TMEM217: variants seen among roughly 807,000 people sequenced by gnomAD.
TMEM217 encodes chromosome 6 open reading frame 128.
For missense variants in TMEM217, 204 were observed against 248.8 expected (o/e 0.82, Z 1.21); for synonymous variants, 76 against 88.3 (o/e 0.86, Z 0.78).
chr6:37,221,626 T>C (rs1421903237), intron 1 of TMEM217, among the ~76,000 whole-genome samples: 1 of 152,200 alleles, frequency 6.6e-6, no homozygotes, highest in East Asian at 1.9e-4. Context: ...ACTGAAAATA[T>C]ATGAAGAAAC....
intron 1 of TMEM217, among the ~76,000 whole-genome samples, chr6:37,229,985 G>A (rs1269758002): frequency 3.9e-5 from 6 of 152,162 alleles, no homozygotes; most frequent in Non-Finnish European, 8.8e-5. Flanking sequence ...TCCCCTTCTA[G>A]CCTCCTTCAG....
At chr6:37,224,508 G>A (rs1248786729) in intron 1 of TMEM217, among the ~76,000 whole-genome samples, 2 of 151,944 alleles carry the variant, frequency 1.3e-5, no homozygotes, top group South Asian at 2.1e-4. Flanking sequence ...TGAGTCAGGA[G>A]AATGGCGTGA....
intron 1 of TMEM217, among the ~76,000 whole-genome samples, chr6:37,239,118 ACT>A (rs1764637358): frequency 6.6e-6 from 1 of 151,852 alleles, no homozygotes; most frequent in Non-Finnish European, 1.5e-5. Context: ...GGTGACACAG[ACT>A]CTGTCTCCAA....
At chr6:37,220,507 G>A (rs899339255) in intron 1 of TMEM217, among the ~76,000 whole-genome samples, 1 of 151,800 alleles carries the variant, frequency 6.6e-6, no homozygotes, top group East Asian at 1.9e-4. Flanking sequence ...AGCAGGTGGG[G>A]AGAAAACTCT....
chr6:37,212,762 T>A (rs1483362004), downstream of TMEM217: 1 of 695,326 alleles, frequency 1.4e-6, no homozygotes, highest in East Asian at 2.8e-5. Context: ...AAGCAGCCGA[T>A]GATGATGGTG....
rs1763417186 is a variant in TMEM217 at position 37,219,936 on chromosome 6, A to T, written c.-11-895T>A. Among the ~76,000 whole-genome samples, 7 of 152,312 alleles carry T rather than the reference A, an allele frequency of 4.6e-5. No individual in the cohort carries two copies. In the South Asian group the frequency reaches 1.4e-3, roughly 32 times the overall value. On this transcript the variant is annotated intron_variant, in intron 1 of 1. Transcript: ENST00000357219. ...CTTTGGGCAATCGCTTCTCTACTAC[A>T]TATCAAAATATGGATTACAGTGAAA...
At chr6:37,214,419 G>T (rs1583421493), downstream of TMEM217, among the ~76,000 whole-genome samples, 1 of 152,108 alleles carries the variant, frequency 6.6e-6, no homozygotes, top group African/African-American at 2.4e-5. Flanking sequence ...GTAGAGACAG[G>T]TTTCACCATG....
At chr6:37,253,933 T>C (rs1467481202) in intron 1 of TMEM217, among the ~76,000 whole-genome samples, 3 of 152,228 alleles carry the variant, frequency 2.0e-5, no homozygotes, top group African/African-American at 7.2e-5. Context: ...GCATATCTCA[T>C]CCCTTAACTA....
intron 1 of TMEM217, among the ~76,000 whole-genome samples, chr6:37,237,123 A>T (rs1410331778): frequency 6.6e-6 from 1 of 152,202 alleles, no homozygotes; most frequent in Non-Finnish European, 1.5e-5. Context: ...GAAGTGAGTC[A>T]CCAAGGCCAT....
intron 1 of TMEM217, among the ~76,000 whole-genome samples, chr6:37,233,379 A>G (rs1352286241): frequency 6.6e-6 from 1 of 152,138 alleles, no homozygotes; most frequent in African/African-American, 2.4e-5. Context: ...TTTATAAACA[A>G]CAGAAATTTA....
chr6:37,229,093 A>G (rs1764024431), intron 1 of TMEM217, among the ~76,000 whole-genome samples: 1 of 152,122 alleles, frequency 6.6e-6, no homozygotes, highest in Non-Finnish European at 1.5e-5. Flanking sequence ...GAGTTTCATA[A>G]CAATCTTGAG....
intron 1 of TMEM217, among the ~76,000 whole-genome samples, chr6:37,256,945 T>C (rs2113951256): frequency 6.6e-6 from 1 of 152,202 alleles, no homozygotes; most frequent in Non-Finnish European, 1.5e-5. Flanking sequence ...TCTGGGAAAA[T>C]TAGATTGAAA....
rs115339214 is a variant in TMEM217, at chr6:37,222,158, A to C, written c.-11-3117T>G. 4.8e-3 allele frequency among the ~76,000 whole-genome samples: 727 copies of C among 152,300 alleles called. 7 individuals are homozygous for C. Among genetic ancestry groups the C allele is most frequent in the African/African-American group, 0.016 (674 of 41,574 alleles). On this transcript the variant is annotated intron_variant, in intron 1 of 1. Transcript: ENST00000357219. ...AGGGAGGAAGTGCACGCAGATTGGT[A>C]CATCGGGGGCCATGGGCAGGCTGGA...
intron 1 of TMEM217, among the ~76,000 whole-genome samples, chr6:37,230,828 G>C (rs752722980): frequency 1.3e-5 from 2 of 152,038 alleles, no homozygotes; most frequent in Non-Finnish European, 2.9e-5. Context: ...TGGGTAAATT[G>C]CCTCTCTACC....
downstream of TMEM217, among the ~76,000 whole-genome samples, chr6:37,217,229 G>A (rs551251895): frequency 2.0e-5 from 3 of 152,346 alleles, no homozygotes; most frequent in African/African-American, 7.2e-5. Flanking sequence ...GGGAGGCGGG[G>A]GTTGCAGTGA....
At chr6:37,254,670 C>A (rs1765617971) in intron 1 of TMEM217, among the ~76,000 whole-genome samples, 1 of 152,180 alleles carries the variant, frequency 6.6e-6, no homozygotes, top group Non-Finnish European at 1.5e-5. Context: ...TATTTATATT[C>A]TTCCTTCTTT....
chr6:37,219,903 C>A (rs1763415473), intron 1 of TMEM217, among the ~76,000 whole-genome samples: 1 of 152,096 alleles, frequency 6.6e-6, no homozygotes, highest in South Asian at 2.1e-4. Context: ...CAGGTGGACA[C>A]CAACTGGCTT....
At chr6:37,229,753 C>T (rs1764089267) in intron 1 of TMEM217, among the ~76,000 whole-genome samples, 2 of 152,202 alleles carry the variant, frequency 1.3e-5, no homozygotes, top group South Asian at 4.1e-4. Flanking sequence ...CCTTAATGTG[C>T]TGACTCTGCA....
chr6:37,216,325 C>T (rs540854674), downstream of TMEM217, among the ~76,000 whole-genome samples: 10 of 152,144 alleles, frequency 6.6e-5, no homozygotes, highest in African/African-American at 1.4e-4. Context: ...GTGATCCGCC[C>T]GCTTTGGCCT....
Sources: allele counts gnomAD v4.1 joint callset (sites outside exome capture counted in the v4.1 genomes callset), GRCh38; gene constraint gnomAD v4.1.1; transcripts MANE v1.5; gene names NCBI Gene and HGNC (gene_info 2026-07-23, HGNC 2026-07-21).